The following PPP1R12A variants were observed in gnomAD, a reference collection of about 807,000 sequenced individuals.
PPP1R12A encodes the protein protein phosphatase 1 regulatory subunit 12A.
In PPP1R12A, 19 loss-of-function variants were observed where a neutral mutation model predicts 139.6. The ratio of observed to expected loss-of-function variants is 0.14; its 90% confidence interval spans 0.09 to 0.20. PPP1R12A has a LOEUF of 0.20. Among genes scored for constraint, PPP1R12A ranks in the 10% least tolerant of loss-of-function variants. The pLI, the probability that PPP1R12A is intolerant of heterozygous loss-of-function variation, is 1.00. For missense variants in PPP1R12A, 925 were observed against 1,211.5 expected, an observed-to-expected ratio of 0.76 and a Z score of 3.51; for synonymous variants, 427 against 420.6, an observed-to-expected ratio of 1.02 and a Z score of -0.19.
In PPP1R12A at chr12:79,934,980, G is replaced by A; in HGVS notation, c.-49C>T. ...CTTATCGCGAGGGGGGGAAGGGGGA[G>A]GCGGAGAGGGAAGAGAGGGGAGGCA... On this transcript the variant is annotated 5_prime_UTR_variant, in exon 1 of 25. Coordinates refer to ENST00000450142, the MANE Select transcript of PPP1R12A (RefSeq NM_002480.3). 6.5e-7 allele frequency: 1 copy of A among 1,530,756 alleles called. No homozygotes were observed. Among genetic ancestry groups the A allele is most frequent in the Non-Finnish European group, 8.8e-7 (1 of 1,135,548 alleles). The allele number at this position is 1,530,756 out of a possible 1,614,324, so 94.8% of individuals were successfully genotyped here.
At chr12:79,862,875 C>A (rs1199227664) in intron 2 of PPP1R12A, among the ~76,000 whole-genome samples, 2 of 152,146 alleles carry the variant, frequency 1.3e-5, no homozygotes, top group Non-Finnish European at 2.9e-5. Context: ...GAGAATGGAA[C>A]CAAGTTGGAA....
intron 14 of PPP1R12A, among the ~76,000 whole-genome samples, chr12:79,801,345 C>CAAAAAAAAAAAAAAAAAAAA (rs201977462): frequency 1.5e-4 from 3 of 20,188 alleles, no homozygotes; most frequent in East Asian, 4.9e-4. Context: ...AACTCTGTCT[C>CAAAAAAAAAAAAAAAAAAAA]AAAAAAAAAA....
At chr12:79,784,506 G>T (rs924387178) in intron 22 of PPP1R12A, among the ~76,000 whole-genome samples, 1 of 152,176 alleles carries the variant, frequency 6.6e-6, no homozygotes, top group Non-Finnish European at 1.5e-5. Flanking sequence ...GTTTGACTGA[G>T]AGACATACAG....
chr12:79,802,511 C>G (rs1873310748), intron 14 of PPP1R12A, among the ~76,000 whole-genome samples: 1 of 152,122 alleles, frequency 6.6e-6, no homozygotes, highest in Non-Finnish European at 1.5e-5. Context: ...AGGCTGGGTA[C>G]AGTTGCTCAT....
intron 14 of PPP1R12A, among the ~76,000 whole-genome samples, chr12:79,804,150 T>C (rs1164110555): frequency 6.6e-6 from 1 of 151,974 alleles, no homozygotes; most frequent in Non-Finnish European, 1.5e-5. Flanking sequence ...ACCAAGAACT[T>C]CTGATCCTTC....
At chr12:79,826,337 G>GTTTTTTT (rs34658905) in intron 5 of PPP1R12A, among the ~76,000 whole-genome samples, 9 of 117,194 alleles carry the variant, frequency 7.7e-5, no homozygotes, top group Non-Finnish European at 1.2e-4. Flanking sequence ...ATTGTTTCGG[G>GTTTTTTT]TTTTTTTTTT....
intron 3 of PPP1R12A, among the ~76,000 whole-genome samples, chr12:79,840,018 C>CA (rs953747245): frequency 3.3e-5 from 5 of 152,018 alleles, no homozygotes; most frequent in Non-Finnish European, 7.4e-5. Flanking sequence ...TTATATGTAT[C>CA]AAATGAACAT....
At chr12:79,894,738 T>C (rs1487254959) in intron 1 of PPP1R12A, among the ~76,000 whole-genome samples, 1 of 152,214 alleles carries the variant, frequency 6.6e-6, no homozygotes, top group Non-Finnish European at 1.5e-5. Flanking sequence ...GTAATTTAAC[T>C]TTTTTCTATT....
At chr12:79,903,223 C>T (rs548687619) in intron 1 of PPP1R12A, among the ~76,000 whole-genome samples, 89 of 152,088 alleles carry the variant, frequency 5.9e-4, no homozygotes, top group South Asian at 2.5e-3. Context: ...GAGGCCGAGG[C>T]GGGTGGATCA....
At chr12:79,885,964 G>A (rs933053860) in intron 1 of PPP1R12A, among the ~76,000 whole-genome samples, 3 of 152,050 alleles carry the variant, frequency 2.0e-5, no homozygotes, top group Non-Finnish European at 4.4e-5. Context: ...CCAAAGTGCT[G>A]GCATTACAGG....
At chr12:79,782,563 T>C (rs1870587660) in intron 22 of PPP1R12A, 1 of 455,570 alleles carries the variant, frequency 2.2e-6, no homozygotes, top group Non-Finnish European at 4.4e-6. Flanking sequence ...CCTTGGGTTT[T>C]AGCCTACCTG....
rs899142109 is a variant in PPP1R12A, at chr12:79,810,432, C to A, written c.1240-422G>T. On this transcript the variant is annotated intron_variant, in intron 9 of 24. Coordinates refer to ENST00000450142, the MANE Select transcript of PPP1R12A (RefSeq NM_002480.3). Reference sequence around the variant, plus strand: ...ACCCTTACTGGGCACAAGAACAATGCCAGTTTTGCGCAAGCCCTGCCTCCA... The same window carrying A: ...ACCCTTACTGGGCACAAGAACAATGACAGTTTTGCGCAAGCCCTGCCTCCA... Among the ~76,000 whole-genome samples the A allele has an allele frequency of 2.6e-5, 4 of 152,130 alleles. 1 individual carries two copies. The highest frequency in any genetic ancestry group is 5.9e-5 in the Non-Finnish European group (4 of 68,004).
At chr12:79,831,675 A>G (rs1352845524) in intron 4 of PPP1R12A, among the ~76,000 whole-genome samples, 3 of 152,228 alleles carry the variant, frequency 2.0e-5, no homozygotes, top group Non-Finnish European at 4.4e-5. Context: ...TTCCTTTCAC[A>G]TACATATAAG....
chr12:79,807,318 A>G lies in PPP1R12A; in HGVS notation c.1563T>C (p.Ser521=). The change falls in exon 12 of 25, where the codon AGT becomes AGC. Residue 521 remains serine (S), a synonymous_variant. Transcript: ENST00000450142. ...TTGTATATGAACTACTTGTTCGCAAACTTGAAGAATCTCTGTTAAAAGAAC... is the reference window on the plus strand; with the variant it reads ...TTGTATATGAACTACTTGTTCGCAAGCTTGAAGAATCTCTGTTAAAAGAAC... The part of the protein sequence containing the change: ...IEEKENRDSS[S]LRTSSSYTRR... 6.5e-7 allele frequency: 1 copy of G among 1,546,330 alleles called. No individual in the cohort carries two copies. The highest frequency in any genetic ancestry group is 8.7e-7 in the Non-Finnish European group (1 of 1,142,928).
intron 1 of PPP1R12A, among the ~76,000 whole-genome samples, chr12:79,927,104 G>T (rs1355440995): frequency 6.6e-6 from 1 of 151,900 alleles, no homozygotes; most frequent in Non-Finnish European, 1.5e-5. Context: ...GAGGTGGGAG[G>T]ATCACTTGAG....
At chr12:79,782,941 G>A (rs1870643071) in intron 22 of PPP1R12A, among the ~76,000 whole-genome samples, 1 of 152,012 alleles carries the variant, frequency 6.6e-6, no homozygotes, top group South Asian at 2.1e-4. Context: ...AACCCTTTCA[G>A]TATTCATGTT....
intron 24 of PPP1R12A, chr12:79,777,207 A>G (rs1869838746): frequency 1.1e-6 from 1 of 919,782 alleles, no homozygotes; most frequent in African/African-American, 1.8e-5. Flanking sequence ...TCTAGTAAAG[A>G]ACTGTAAATA....
At chr12:79,902,279 A>G (rs1196698744) in intron 1 of PPP1R12A, among the ~76,000 whole-genome samples, 1 of 152,176 alleles carries the variant, frequency 6.6e-6, no homozygotes, top group Non-Finnish European at 1.5e-5. Flanking sequence ...TAATAATATC[A>G]GTACCGATGC....
intron 2 of PPP1R12A, among the ~76,000 whole-genome samples, chr12:79,855,788 C>T (rs1880582340): frequency 6.6e-6 from 1 of 151,904 alleles, no homozygotes; most frequent in Admixed American, 6.6e-5. Context: ...TTATCTGTTG[C>T]CAAATGTGCC....
Sources: allele counts gnomAD v4.1 joint callset (sites outside exome capture counted in the v4.1 genomes callset), GRCh38; gene constraint gnomAD v4.1.1; transcripts MANE v1.5; gene names NCBI Gene and HGNC (gene_info 2026-07-23, HGNC 2026-07-21).